The following RFT1 variants were observed in gnomAD, a reference collection of about 807,000 sequenced individuals.
The protein encoded by RFT1 is man(5)GlcNAc(2)-PP-dolichol translocation protein RFT1.
A neutral mutation model predicts 62.2 loss-of-function variants in RFT1; 43 were observed. The ratio of observed to expected loss-of-function variants is 0.69; its 90% CI spans 0.54 to 0.89. The LOEUF (loss-of-function observed/expected upper bound fraction) is 0.89, where lower values mean the gene tolerates loss of function less well. Ranked by LOEUF, RFT1 falls within the 40% of genes least tolerant of loss-of-function variation. The probability of loss-of-function intolerance (pLI) is 0.00; values close to 1 mark genes in which losing one functional copy is unlikely to be tolerated. For synonymous variants in RFT1, 262 were observed against 264.6 expected, an observed-to-expected ratio of 0.99 and a Z score of 0.10; for missense variants, 605 against 649.9, an observed-to-expected ratio of 0.93 and a Z score of 0.75.
In RFT1 at chr3:53,104,029, G is replaced by A. The variant is rs1013787143; in HGVS notation, c.1026C>T (p.Thr342=). ...LLKLALLAGL[T]ITVFGFAYSQ... is the part of the protein sequence containing the mutation. ...AATAGGCAAAGCCAAAAACAGTGAT[G>A]GTCAGGCCGGCCAGCAGGGCCAGCT... The change falls in exon 10 of 13, where the codon ACC becomes ACT. Residue 342 remains threonine (T), a synonymous_variant. Coordinates refer to ENST00000296292, the MANE Select transcript of RFT1 (RefSeq NM_052859.4). 21 of 1,614,194 alleles carry A rather than the reference G, an allele frequency of 1.3e-5. No individual in the cohort carries two copies. In the East Asian group the frequency reaches 4.5e-4, roughly 34 times the overall value.
chr3:53,109,344 A>G (rs540922314), intron 7 of RFT1, among the ~76,000 whole-genome samples: 2 of 152,222 alleles, frequency 1.3e-5, no homozygotes, highest in South Asian at 2.1e-4. Flanking sequence ...AGTACCACAC[A>G]CCTCACAGCC....
downstream of RFT1, among the ~76,000 whole-genome samples, chr3:53,087,748 C>T (rs540552268): frequency 6.6e-5 from 10 of 152,214 alleles, no homozygotes; most frequent in South Asian, 2.1e-4. Context: ...CTCAAAATCC[C>T]GGGCTCAAGC....
the RFT1 span, among the ~76,000 whole-genome samples, chr3:53,079,746 C>A: frequency 0.16 from 24,098 of 152,112 alleles, 2,740 homozygotes; most frequent in African/African-American, 0.32. Flanking sequence ...CTCTGGGCAT[C>A]CTAAATTCAA....
At chr3:53,070,595 G>T in the RFT1 span, among the ~76,000 whole-genome samples, 1 of 151,728 alleles carries the variant, frequency 6.6e-6, no homozygotes, top group Non-Finnish European at 1.5e-5. Context: ...TAGAGACAAG[G>T]TTCCACCATG....
intron 10 of RFT1, among the ~76,000 whole-genome samples, chr3:53,100,530 C>T (rs1449381636): frequency 6.6e-6 from 1 of 152,080 alleles, no homozygotes; most frequent in Non-Finnish European, 1.5e-5. Flanking sequence ...TGACCATCAA[C>T]AGAAGAAAGA....
At chr3:53,126,186 G>A (rs1280797456) in intron 1 of RFT1, among the ~76,000 whole-genome samples, 192 bp from the exon 2 acceptor site, 1 of 152,144 alleles carries the variant, frequency 6.6e-6, no homozygotes, top group Non-Finnish European at 1.5e-5. Context: ...GGATCTCTCA[G>A]CACTCCCGTG....
the RFT1 span, among the ~76,000 whole-genome samples, chr3:53,076,125 C>T: frequency 6.6e-6 from 1 of 152,248 alleles, no homozygotes; most frequent in Non-Finnish European, 1.5e-5. Flanking sequence ...ATGTTAAACC[C>T]ACAAAGTGGT....
chr3:53,082,188 G>A, the RFT1 span, among the ~76,000 whole-genome samples: 1 of 152,068 alleles, frequency 6.6e-6, no homozygotes, highest in African/African-American at 2.4e-5. Flanking sequence ...AATAGAGGGA[G>A]GAACTTGGCC....
In RFT1 at chr3:53,092,024, A is replaced by G. The variant is rs751720103; in HGVS notation, c.1505T>C (p.Ile502Thr). The change falls in exon 13 of 13, where the codon ATT (isoleucine) becomes ACT (threonine). Residue 502 changes from isoleucine (I) to threonine (T), a missense_variant. Transcript: ENST00000296292. Reference sequence around the variant, plus strand: ...TCCCAGACAGAAGGCCCCCACAGCAATGTGTGCCAGTCTGGCTGGCCAGCC... The same window carrying G: ...TCCCAGACAGAAGGCCCCCACAGCAGTGTGTGCCAGTCTGGCTGGCCAGCC... ...EQGWPARLAH[I>T]AVGAFCLGAT... 1.9e-6 allele frequency: 3 copies of G among 1,614,254 alleles called. No individual in the cohort carries two copies. Among genetic ancestry groups the G allele is most frequent in the South Asian group, 2.2e-5 (2 of 91,086 alleles).
rs927287976 is a variant in RFT1 at position 53,106,884 on chromosome 3, G to A, written c.776-15C>T. ...ATATCGCTCGCCTATAAACAAAAAA[G>A]CAAAATAATTAGCAATGTCAAATGC... On this transcript the variant is annotated splice_polypyrimidine_tract_variant and intron_variant, in intron 7 of 12. Coordinates refer to ENST00000296292, the MANE Select transcript of RFT1 (RefSeq NM_052859.4). 9 of 1,602,986 alleles carry A rather than the reference G, an allele frequency of 5.6e-6. No homozygotes were observed. The highest frequency in any genetic ancestry group is 7.7e-6 in the Non-Finnish European group (9 of 1,170,642).
rs1005338302 is a variant in RFT1 at position 53,090,785 on chromosome 3, A to C, written c.*1118T>G. On this transcript the variant is annotated 3_prime_UTR_variant, in exon 13 of 13. Transcript: ENST00000296292. The stretch of plus-strand genomic sequence containing the variant: ...AATACATTAACAAAAAAATAAAAAC[A>C]CTTCACACTCCAGAACACTGCTCAT... 2 of 152,080 alleles carry C rather than the reference A, an allele frequency of 1.3e-5. No individual in the cohort carries two copies. The highest frequency in any genetic ancestry group is 2.9e-5 in the Non-Finnish European group (2 of 68,032). The allele number at this position is 152,080 out of a possible 1,614,324, so 9.4% of individuals were successfully genotyped here.
At chr3:53,117,346 C>T (rs947884434) in intron 6 of RFT1, among the ~76,000 whole-genome samples, 1 of 152,182 alleles carries the variant, frequency 6.6e-6, no homozygotes, top group Non-Finnish European at 1.5e-5. Context: ...CCAACAATCT[C>T]ACTTTAAAAA....
intron 6 of RFT1, among the ~76,000 whole-genome samples, chr3:53,113,267 C>T (rs1232035137): frequency 1.3e-5 from 2 of 152,208 alleles, no homozygotes; most frequent in African/African-American, 2.4e-5. Flanking sequence ...CCTCCCACCT[C>T]GGCTCCCAAA....
At chr3:53,113,758 G>A (rs1324699633) in intron 6 of RFT1, among the ~76,000 whole-genome samples, 1 of 152,048 alleles carries the variant, frequency 6.6e-6, no homozygotes, top group Non-Finnish European at 1.5e-5. Flanking sequence ...TGACTCATCT[G>A]AATTCAGACT....
intron 5 of RFT1, among the ~76,000 whole-genome samples, chr3:53,121,160 C>T (rs957587341): frequency 1.3e-5 from 2 of 152,122 alleles, no homozygotes; most frequent in Non-Finnish European, 2.9e-5. Context: ...TGAACTAGAA[C>T]TAGGAAACAA....
intron 6 of RFT1, among the ~76,000 whole-genome samples, chr3:53,114,865 C>T (rs1331379063): frequency 6.6e-6 from 1 of 152,220 alleles, no homozygotes; most frequent in East Asian, 1.9e-4. Context: ...ACTTCCCAAA[C>T]TCTTCTGACT....
At chr3:53,070,765 G>A in the RFT1 span, among the ~76,000 whole-genome samples, 128 of 151,672 alleles carry the variant, frequency 8.4e-4, no homozygotes, top group Middle Eastern at 6.8e-3. Context: ...GGCCAGGTGC[G>A]GTGGCTCACA....
intron 2 of RFT1, 98 bp downstream of exon 2, chr3:53,125,811 T>C (rs939287872): frequency 1.1e-6 from 1 of 942,944 alleles, no homozygotes; most frequent in Non-Finnish European, 1.7e-6. Flanking sequence ...TAAAGGTCCA[T>C]GCTTCTAGAA....
chr3:53,091,010 T>G lies in RFT1; in HGVS notation c.*893A>C, dbSNP rs1353719174. The G allele has an allele frequency of 6.6e-6, 1 of 152,274 alleles. No individual in the cohort carries two copies. The highest frequency in any genetic ancestry group is 6.5e-5 in the Admixed American group (1 of 15,288). The allele number at this position is 152,274 out of a possible 1,614,324, so 9.4% of individuals were successfully genotyped here. A position where few individuals can be genotyped will look rare whatever the true frequency, so the allele number is the denominator to read the frequency against. On this transcript the variant is annotated 3_prime_UTR_variant, in exon 13 of 13. Transcript: ENST00000296292. ...ATATAGAGTTTGCCTTGTCTTATTC[T>G]GAGGATAAAAAAGTACATCTGTTAA...
Sources: gnomAD v4.1 joint callset for allele counts (sites outside exome capture counted in the v4.1 genomes callset) on GRCh38, gnomAD v4.1.1 for gene constraint, MANE v1.5 for transcripts, NCBI Gene and HGNC (gene_info 2026-07-23, HGNC 2026-07-21) for gene names.